The following ABHD8 variants were observed in gnomAD, a reference collection of about 807,000 sequenced individuals.
ABHD8 encodes the protein abhydrolase domain containing 8, also known as protein ABHD8.
Under a neutral mutation model 29.3 loss-of-function variants are expected in ABHD8, and 10 were observed. That is an observed-to-expected ratio of 0.34 (90% confidence interval 0.21 to 0.58). ABHD8 has a LOEUF of 0.58. Ranked by LOEUF, ABHD8 falls within the 20% of genes least tolerant of loss-of-function variation. ABHD8 has a pLI of 0.85. For missense variants in ABHD8, 556 were observed against 615.3 expected, an observed-to-expected ratio of 0.90 and a Z score of 1.02; for synonymous variants, 282 against 274.6, an observed-to-expected ratio of 1.03 and a Z score of -0.27.
In ABHD8 at chr19:17,292,723, G is replaced by C; in HGVS notation, c.1258C>G (p.Pro420Ala). ...TLLHEFLLWE[P>A]EPSPKALPEP... Reference sequence around the variant, plus strand: ...GGTAGAGCCTTGGGCGAGGGCTCGGGCTCCCAGAGCAGGAATTCGTGGAGC... The same window carrying C: ...GGTAGAGCCTTGGGCGAGGGCTCGGCCTCCCAGAGCAGGAATTCGTGGAGC... The change falls in exon 5 of 5, where the codon CCC becomes GCC. Residue 420 changes from proline to alanine, a missense_variant. Coordinates refer to ENST00000247706, the MANE Select transcript of ABHD8 (RefSeq NM_024527.5). 3.1e-6 allele frequency: 5 copies of C among 1,613,718 alleles called. No homozygotes were observed. Among genetic ancestry groups the C allele is most frequent in the Non-Finnish European group, 4.2e-6 (5 of 1,179,950 alleles).
In ABHD8 at chr19:17,301,041, C is replaced by T. The variant is rs760040334; in HGVS notation, c.576G>A (p.Lys192=). The T allele has an allele frequency of 6.2e-7, 1 of 1,613,528 alleles. No individual in the cohort carries two copies. The highest frequency in any genetic ancestry group is 8.5e-7 in the Non-Finnish European group (1 of 1,180,032). ...GGCGCACAAAGAAGTCCAGCTGCTCCTTCCAGATGGCCAGGGAACCGCCGA... is the reference window on the plus strand; with the variant it reads ...GGCGCACAAAGAAGTCCAGCTGCTCTTTCCAGATGGCCAGGGAACCGCCGA... ...HGVGGSLAIW[K]EQLDFFVRLG... The change falls in exon 2 of 5, where the codon AAG becomes AAA. Residue 192 remains lysine (K), a synonymous_variant. Coordinates refer to ENST00000247706, the MANE Select transcript of ABHD8 (RefSeq NM_024527.5).
At chr19:17,301,771 T>C (rs1599526292) in intron 1 of ABHD8, 147 bp from the exon 2 acceptor site, 1 of 902,268 alleles carries the variant, frequency 1.1e-6, no homozygotes, top group Non-Finnish European at 1.5e-6. Flanking sequence ...CTGAGATTTT[T>C]TTGTTTGTGT....
chr19:17,294,183 A>T, intron 4 of ABHD8, 105 bp downstream of exon 4: 2 of 1,386,084 alleles, frequency 1.4e-6, no homozygotes, highest in Non-Finnish European at 1.9e-6. Context: ...CCTCGGGAAG[A>T]AAGCACGCCC....
Position 17,294,425 on chromosome 19 carries a change from G to C in ABHD8, c.1012C>G (p.Leu338Val), listed in dbSNP as rs1005725052. The change falls in exon 4 of 5, where the codon CTC (leucine) becomes GTC (valine). Residue 338 changes from leucine (L) to valine (V), a missense_variant. By Grantham distance (32) the Leu-to-Val change is conservative. Coordinates refer to ENST00000247706, the MANE Select transcript of ABHD8 (RefSeq NM_024527.5). ...GNAFNVSSFV[L>V]RAMMSGQYWP... ...TACTGGCCGCTCATCATGGCCCGGAGTACGAAGGATGACACGTTGAAAGCG... is the reference window on the plus strand; with the variant it reads ...TACTGGCCGCTCATCATGGCCCGGACTACGAAGGATGACACGTTGAAAGCG... 2.5e-6 allele frequency: 4 copies of C among 1,614,130 alleles called. No individual in the cohort carries two copies. The highest frequency in any genetic ancestry group is 3.4e-6 in the Non-Finnish European group (4 of 1,180,012).
chr19:17,299,666 T>C (rs2074108775), intron 2 of ABHD8, among the ~76,000 whole-genome samples: 1 of 151,842 alleles, frequency 6.6e-6, no homozygotes, highest in Non-Finnish European at 1.5e-5. Flanking sequence ...GCCCAGTAGT[T>C]AAAGAACATC....
intron 2 of ABHD8, among the ~76,000 whole-genome samples, chr19:17,300,547 G>C (rs941589754): frequency 3.9e-5 from 6 of 151,948 alleles, no homozygotes; most frequent in African/African-American, 1.5e-4. Flanking sequence ...ACACAATCTC[G>C]GCTCACTGCA....
chr19:17,294,450 G>C lies in ABHD8; in HGVS notation c.987C>G (p.Asn329Lys). Reference protein sequence around the residue: ...AKEKQLLKEGNAFNVSSFVLR... With the variant: ...AKEKQLLKEGKAFNVSSFVLR... ...GTACGAAGGATGACACGTTGAAAGC[G>C]TTGCCCTCCTTTAACAGCTGCTTCT... Residue 329 changes from asparagine to lysine, a missense_variant, in exon 4 of 5, where the codon AAC (asparagine) becomes AAG (lysine). Physicochemically the swap from Asn to Lys is moderately conservative, Grantham distance 94 (BLOSUM62 0). Coordinates refer to ENST00000247706, the MANE Select transcript of ABHD8 (RefSeq NM_024527.5). 5 of 1,614,178 alleles carry C rather than the reference G, an allele frequency of 3.1e-6. No homozygotes were observed. The highest frequency in any genetic ancestry group is 3.4e-6 in the Non-Finnish European group (4 of 1,180,010).
chr19:17,299,240 C>CCT (rs149212694), intron 2 of ABHD8, among the ~76,000 whole-genome samples: 1 of 147,918 alleles, frequency 6.8e-6, no homozygotes, highest in Non-Finnish European at 1.5e-5. Flanking sequence ...TGAGACCCCC[C>CCT]CCCCATTCTC....
At chr19:17,299,560 CAAAAAAA>C (rs567760409) in intron 2 of ABHD8, among the ~76,000 whole-genome samples, 26 of 51,506 alleles carry the variant, frequency 5.0e-4, no homozygotes, top group African/African-American at 1.8e-3. Flanking sequence ...GACTCCATCT[CAAAAAAA>C]AAAAAAAAAA....
At chr19:17,294,956 C>A (rs2074087227) in intron 2 of ABHD8, 111 bp from the exon 3 acceptor site, 14 of 1,326,036 alleles carry the variant, frequency 1.1e-5, no homozygotes, top group African/African-American at 2.9e-5. Flanking sequence ...GACAGTTTTA[C>A]TCTGTCCCCC....
chr19:17,292,407 T>A lies in ABHD8; in HGVS notation c.*254A>T. ...GAGGGAGAGCTTCTGTACAAGGTCA[T>A]CTTCCGTGAGGGTCCCGGCTGCGGC... On this transcript the variant is annotated 3_prime_UTR_variant, in exon 5 of 5. Transcript: ENST00000247706. The A allele has an allele frequency of 1.9e-6, 1 of 518,518 alleles. No individual in the cohort carries two copies. Among genetic ancestry groups the A allele is most frequent in the Non-Finnish European group, 3.3e-6 (1 of 298,516 alleles). 32.1% of individuals were successfully genotyped at this position (518,518 alleles called of 1,614,324 possible).
At position 17,294,502 on chromosome 19, in the gene ABHD8, G is replaced by A. The variant is rs1437396291; in HGVS notation, c.935C>T (p.Ala312Val). 6 of 1,613,686 alleles carry A rather than the reference G, an allele frequency of 3.7e-6. No individual in the cohort carries two copies. Among genetic ancestry groups the A allele is most frequent in the Non-Finnish European group, 5.1e-6 (6 of 1,179,996 alleles). ...CTTGGCTCCTTGGCGGGCGAAGCCG[G>A]CCCTGGTGGTGGTGGAGGCACCGCT... ...SPCLAWSFLK[A>V]GFARQGAKEK... The change falls in exon 4 of 5, where the codon GCC becomes GTC. Residue 312 changes from alanine (A) to valine (V), a missense_variant and splice_region_variant. By Grantham distance (64) the Ala-to-Val change is moderately conservative. Transcript: ENST00000247706.
Position 17,292,506 on chromosome 19 carries a change from C to T in ABHD8, c.*155G>A. ...CCGCTGGGCTCCCTCGGATGCCACGCCCCGCCCAGGCAGCCTGGGGGCGTC... is the reference window on the plus strand; with the variant it reads ...CCGCTGGGCTCCCTCGGATGCCACGTCCCGCCCAGGCAGCCTGGGGGCGTC... On this transcript the variant is annotated 3_prime_UTR_variant, in exon 5 of 5. Transcript: ENST00000247706. 2 of 894,296 alleles carry T rather than the reference C, an allele frequency of 2.2e-6. No individual in the cohort carries two copies. Among genetic ancestry groups the T allele is most frequent in the Non-Finnish European group, 3.2e-6 (2 of 633,236 alleles). The allele number at this position is 894,296 out of a possible 1,614,324, so 55.4% of individuals were successfully genotyped here.
intron 2 of ABHD8, among the ~76,000 whole-genome samples, chr19:17,299,239 C>CCG: frequency 6.9e-6 from 1 of 144,342 alleles, no homozygotes; most frequent in African/African-American, 2.5e-5. Context: ...ATGAGACCCC[C>CCG]CCCCCATTCT....
intron 2 of ABHD8, chr19:17,296,744 G>A (rs2074095305): frequency 6.6e-6 from 1 of 151,018 alleles, no homozygotes; most frequent in African/African-American, 2.4e-5. Flanking sequence ...GCCCACGCTG[G>A]AGCACAGTGG....
Position 17,292,612 on chromosome 19 carries a change from C to T in ABHD8, c.*49G>A, listed in dbSNP as rs753698173. 1.3e-6 allele frequency: 2 copies of T among 1,550,216 alleles called. No individual in the cohort carries two copies. The highest frequency in any genetic ancestry group is 8.7e-7 in the Non-Finnish European group (1 of 1,148,968). On this transcript the variant is annotated 3_prime_UTR_variant, in exon 5 of 5. Coordinates refer to ENST00000247706, the MANE Select transcript of ABHD8 (RefSeq NM_024527.5). ...GCAGACCTGGCGCAGGCTCGGGCCT[C>T]CTCCTGCTGCGGCTGTGCTCACCAA...
chr19:17,294,162 C>T, intron 4 of ABHD8, 126 bp downstream of exon 4: 1 of 1,206,292 alleles, frequency 8.3e-7, no homozygotes. Context: ...GCCCACCCGG[C>T]AGCCACGCCC....
chr19:17,294,701 C>A lies in ABHD8; in HGVS notation c.906G>T (p.Ser302=), dbSNP rs145795042. ...TGAGGAAGCTCCAGGCCAGGCAGGG[C>A]GACAAGCAGTGCAGGACGCAGGTGG... is the stretch of plus-strand genomic sequence containing the variant. ...NMPTCVLHCL[S]PCLAWSFLKA... Residue 302 remains serine, a synonymous_variant, in exon 3 of 5, where the codon TCG becomes TCT. Transcript: ENST00000247706. 2 of 1,614,018 alleles carry A rather than the reference C, an allele frequency of 1.2e-6. No homozygotes were observed. The highest frequency in any genetic ancestry group is 3.3e-5 in the Admixed American group (2 of 60,012).
At chr19:17,298,976 A>C (rs1259497572) in intron 2 of ABHD8, among the ~76,000 whole-genome samples, 1 of 152,150 alleles carries the variant, frequency 6.6e-6, no homozygotes, top group Non-Finnish European at 1.5e-5. Context: ...TCCTGACCTC[A>C]AGTGATCTGC....
Sources: gnomAD v4.1 joint callset for allele counts (sites outside exome capture counted in the v4.1 genomes callset) on GRCh38, gnomAD v4.1.1 for gene constraint, MANE v1.5 for transcripts, NCBI Gene and HGNC (gene_info 2026-07-23, HGNC 2026-07-21) for gene names.